VPS8: variants seen among roughly 807,000 people sequenced by gnomAD.
VPS8 encodes the protein VPS8 subunit of CORVET complex.
VPS8 carries 129 observed loss-of-function variants against 216.4 expected under a neutral mutation model. That is an observed-to-expected ratio of 0.60 (90% CI 0.52 to 0.69). The LOEUF is 0.69. Ranked by LOEUF, VPS8 falls within the 30% of genes least tolerant of loss-of-function variation. The pLI is 0.00. For synonymous variants in VPS8, 571 were observed against 565.4 expected, an observed-to-expected ratio of 1.01 and a Z score of -0.14; for missense variants, 1,531 against 1,683.5, an observed-to-expected ratio of 0.91 and a Z score of 1.59.
chr3:184,862,801 C>T, intron 15 of VPS8, 96 bp from the exon 16 acceptor site: 1 of 1,275,074 alleles, frequency 7.8e-7, no homozygotes, highest in Non-Finnish European at 1.1e-6. Context: ...ATCAAGTCCT[C>T]AATGTAATTT....
At chr3:184,836,869 T>C (rs1322594766) in intron 5 of VPS8, among the ~76,000 whole-genome samples, 5 of 152,232 alleles carry the variant, frequency 3.3e-5, no homozygotes, top group African/African-American at 1.2e-4. Context: ...GCTCATTTTT[T>C]AATTTGGGAT....
At chr3:185,030,798 T>A (rs1292312387) in intron 46 of VPS8, among the ~76,000 whole-genome samples, 1 of 152,160 alleles carries the variant, frequency 6.6e-6, no homozygotes, top group African/African-American at 2.4e-5. Context: ...TGTCTCACTG[T>A]GTTGCCAAGG....
intron 46 of VPS8, among the ~76,000 whole-genome samples, chr3:185,027,463 C>T (rs568706045): frequency 2.0e-5 from 3 of 151,702 alleles, no homozygotes; most frequent in Non-Finnish European, 4.4e-5. Context: ...AGGATGGTCT[C>T]GATCTCCTGA....
chr3:184,890,643 C>T (rs950198258), intron 22 of VPS8, among the ~76,000 whole-genome samples: 5 of 151,956 alleles, frequency 3.3e-5, no homozygotes, highest in African/African-American at 9.7e-5. Flanking sequence ...TATTTAATAA[C>T]ACTTTTATAA....
chr3:184,929,576 C>T lies in VPS8; in HGVS notation c.2715-4C>T. Reference sequence around the variant, plus strand: ...ACACTGAAGTTTTTCCCTTTACATTCTAGCTATCAAATTTGTGAATTTATG... The same window carrying T: ...ACACTGAAGTTTTTCCCTTTACATTTTAGCTATCAAATTTGTGAATTTATG... On this transcript the variant is annotated splice_polypyrimidine_tract_variant and splice_region_variant and intron_variant, in intron 32 of 47. Coordinates refer to ENST00000625842, the MANE Select transcript of VPS8 (RefSeq NM_001009921.3). 1 of 1,485,160 alleles carries T rather than the reference C, an allele frequency of 6.7e-7. No homozygotes were observed. Among genetic ancestry groups the T allele is most frequent in the Non-Finnish European group, 9.1e-7 (1 of 1,094,260 alleles). 92.0% of individuals were successfully genotyped at this position (1,485,160 alleles called of 1,614,324 possible).
intron 14 of VPS8, among the ~76,000 whole-genome samples, chr3:184,856,543 A>G (rs186984813): frequency 2.0e-5 from 3 of 152,330 alleles, no homozygotes; most frequent in East Asian, 1.9e-4. Context: ...TAGTTTCTCC[A>G]GCCAGAAACT....
At chr3:184,819,140 A>G (rs1056387061) in intron 1 of VPS8, among the ~76,000 whole-genome samples, 4 of 152,168 alleles carry the variant, frequency 2.6e-5, no homozygotes, top group African/African-American at 7.2e-5. Flanking sequence ...CCTTGAATCT[A>G]TTAATTGGTT....
chr3:185,009,942 T>A (rs1754774774), intron 45 of VPS8, among the ~76,000 whole-genome samples: 1 of 147,342 alleles, frequency 6.8e-6, no homozygotes, highest in African/African-American at 2.5e-5. Context: ...GTTGAGTACT[T>A]ACCCACTTAT....
At chr3:185,008,361 C>T (rs1444903639) in intron 45 of VPS8, among the ~76,000 whole-genome samples, 1 of 152,138 alleles carries the variant, frequency 6.6e-6, no homozygotes, top group East Asian at 1.9e-4. Flanking sequence ...GAGCCAAACA[C>T]TATTCTTGGT....
chr3:184,983,627 C>T (rs1406105262), intron 42 of VPS8, among the ~76,000 whole-genome samples: 3 of 152,042 alleles, frequency 2.0e-5, no homozygotes, highest in East Asian at 1.9e-4. Flanking sequence ...TGAACCTTCT[C>T]GGCTTCATCA....
intron 35 of VPS8, among the ~76,000 whole-genome samples, chr3:184,937,039 C>T (rs1371923450): frequency 6.6e-6 from 1 of 152,108 alleles, no homozygotes; most frequent in Non-Finnish European, 1.5e-5. Context: ...ATCTGGGCCA[C>T]AACCCTGTTT....
chr3:184,952,946 A>G (rs140514584), intron 36 of VPS8, among the ~76,000 whole-genome samples: 1 of 152,322 alleles, frequency 6.6e-6, no homozygotes, highest in East Asian at 1.9e-4. Context: ...AGAATGAGCC[A>G]TATGTTTTTT....
At chr3:184,977,884 CTTTTTT>C (rs55727843) in intron 40 of VPS8, among the ~76,000 whole-genome samples, 7 of 131,294 alleles carry the variant, frequency 5.3e-5, no homozygotes, top group Admixed American at 1.5e-4. Flanking sequence ...TTTCTTTTTT[CTTTTTT>C]TTTTTTTTTT....
At chr3:184,968,578 G>T (rs1192492872) in intron 39 of VPS8, among the ~76,000 whole-genome samples, 1 of 152,102 alleles carries the variant, frequency 6.6e-6, no homozygotes, top group African/African-American at 2.4e-5. Context: ...ATCCATATGT[G>T]TGTGAGGTAG....
intron 16 of VPS8, among the ~76,000 whole-genome samples, chr3:184,865,440 A>G (rs1450825647): frequency 6.6e-6 from 1 of 152,248 alleles, no homozygotes; most frequent in Non-Finnish European, 1.5e-5. Context: ...CTCATCAGAC[A>G]GTCAACAGTG....
chr3:185,031,645 G>T (rs1758183224), intron 46 of VPS8, among the ~76,000 whole-genome samples: 1 of 152,194 alleles, frequency 6.6e-6, no homozygotes, highest in Non-Finnish European at 1.5e-5. Flanking sequence ...GACAGAACTG[G>T]TACCTGTGGG....
intron 45 of VPS8, among the ~76,000 whole-genome samples, chr3:185,015,696 A>C (rs900525073): frequency 2.0e-5 from 3 of 152,240 alleles, no homozygotes; most frequent in Non-Finnish European, 4.4e-5. Flanking sequence ...GAATACCCAC[A>C]AAGTCAGCTA....
chr3:185,024,856 G>T (rs1309695458), intron 46 of VPS8, among the ~76,000 whole-genome samples: 1 of 152,054 alleles, frequency 6.6e-6, no homozygotes, highest in African/African-American at 2.4e-5. Context: ...TAGAAAATTA[G>T]CTCGGCGTGG....
intron 20 of VPS8, among the ~76,000 whole-genome samples, chr3:184,870,506 T>C (rs962403027): frequency 3.9e-5 from 6 of 152,204 alleles, no homozygotes; most frequent in African/African-American, 1.4e-4. Flanking sequence ...CATGGAGATA[T>C]TTCTTAAGAA....
Sources: allele counts gnomAD v4.1 joint callset (sites outside exome capture counted in the v4.1 genomes callset), GRCh38; gene constraint gnomAD v4.1.1; transcripts MANE v1.5; gene names NCBI Gene and HGNC (gene_info 2026-07-23, HGNC 2026-07-21).